MYO7A: variants seen among roughly 807,000 people sequenced by gnomAD.
The protein encoded by MYO7A is unconventional myosin-VIIa.
A neutral mutation model predicts 263.8 loss-of-function variants in MYO7A; 210 were observed. The observed-to-expected ratio is 0.80, with a 90% CI of 0.71 to 0.89. MYO7A has a LOEUF of 0.89. Ranked by LOEUF, MYO7A falls within the 40% of genes least tolerant of loss-of-function variation. The probability of loss-of-function intolerance (pLI) is 0.00; values close to 1 mark genes in which losing one functional copy is unlikely to be tolerated. For synonymous variants in MYO7A, 1,239 were observed against 1,197.3 expected, an observed-to-expected ratio of 1.03 and a Z score of -0.72; for missense variants, 2,820 against 2,968.3, an observed-to-expected ratio of 0.95 and a Z score of 1.16.
intron 4 of MYO7A, among the ~76,000 whole-genome samples, chr11:77,148,560 ATAAGGGCCCGTGGAGATCAT>A (rs1230686949): frequency 2.6e-5 from 4 of 152,214 alleles, no homozygotes; most frequent in Non-Finnish European, 4.4e-5. Context: ...GAGCAGAGCA[ATAAGGGCCCGTGGAGATCAT>A]TTACTCTAGA....
chr11:77,182,342 C>A, intron 24 of MYO7A, 82 bp from the exon 25 acceptor site: 1 of 1,484,632 alleles, frequency 6.7e-7, no homozygotes, highest in Non-Finnish European at 9.0e-7. Flanking sequence ...TGTCTCCAGC[C>A]CACTCCCCAA....
intron 38 of MYO7A, 89 bp downstream of exon 38, chr11:77,203,306 C>A: frequency 7.0e-7 from 1 of 1,426,224 alleles, no homozygotes; most frequent in South Asian, 1.3e-5. Context: ...GGGCCTGCTG[C>A]GACCCGGGCA....
chr11:77,157,856 C>T (rs1222244661), intron 8 of MYO7A, among the ~76,000 whole-genome samples: 1 of 152,228 alleles, frequency 6.6e-6, no homozygotes, highest in Non-Finnish European at 1.5e-5. Flanking sequence ...ACTGTTGAAA[C>T]CCTGCTCGTA....
intron 16 of MYO7A, 137 bp downstream of exon 16, chr11:77,173,022 C>G: frequency 7.9e-7 from 1 of 1,269,582 alleles, no homozygotes; most frequent in Non-Finnish European, 1.1e-6. Flanking sequence ...CGGGAGCTTA[C>G]AAAACAAGGC....
In MYO7A at chr11:77,180,466, C is replaced by G; in HGVS notation, c.2679C>G (p.Ala893=). Residue 893 remains alanine, a synonymous_variant, in exon 22 of 49, where the codon GCC becomes GCG. Transcript: ENST00000409709. ...EMSAKKAKEE[A]ERKHQERLAQ... ...GCGCCAAGAAGGCCAAGGAGGAGGC[C>G]GAGCGCAAGCATCAGGTGAGCTGAG... 1 of 1,612,234 alleles carries G rather than the reference C, an allele frequency of 6.2e-7. No individual in the cohort carries two copies. The highest frequency in any genetic ancestry group is 8.5e-7 in the Non-Finnish European group (1 of 1,179,722).
chr11:77,208,650 T>C, intron 43 of MYO7A, 47 bp from the exon 44 acceptor site: 3 of 1,516,302 alleles, frequency 2.0e-6, no homozygotes, highest in Non-Finnish European at 2.7e-6. Flanking sequence ...ACGTGAGCAC[T>C]CCTCTGTGCA....
intron 15 of MYO7A, among the ~76,000 whole-genome samples, chr11:77,171,971 G>A (rs537215029): frequency 2.6e-5 from 4 of 152,340 alleles, no homozygotes; most frequent in East Asian, 1.9e-4. Flanking sequence ...CCCTGGCTGC[G>A]TCGGAGCCAC....
chr11:77,202,432 C>T lies in MYO7A; in HGVS notation c.5168+8C>T, dbSNP rs779434952. On this transcript the variant is annotated splice_region_variant and intron_variant, in intron 37 of 48. Transcript: ENST00000409709. ...TTCCTATGACTACTTCAGGTGATGC[C>T]TCCTGGGGAAGGATGGGAGCCACAG... 1.9e-6 allele frequency: 3 copies of T among 1,549,668 alleles called. No homozygotes were observed.
chr11:77,200,418 T>C (rs1035217757), intron 35 of MYO7A, among the ~76,000 whole-genome samples: 4 of 152,166 alleles, frequency 2.6e-5, no homozygotes, highest in African/African-American at 4.8e-5. Flanking sequence ...GCCAGGCTCT[T>C]TTTAAACAAT....
At chr11:77,162,791 AG>A in intron 13 of MYO7A, 61 bp from the exon 14 acceptor site, 1 of 1,579,212 alleles carries the variant, frequency 6.3e-7, no homozygotes, top group Non-Finnish European at 8.6e-7. Context: ...AGACATGGGC[AG>A]GGAGGGGAGT....
chr11:77,148,132 G>T (rs1951718979), intron 4 of MYO7A, among the ~76,000 whole-genome samples, 182 bp downstream of exon 4: 1 of 152,176 alleles, frequency 6.6e-6, no homozygotes, highest in Non-Finnish European at 1.5e-5. Flanking sequence ...GCAGCCGCTC[G>T]GCGGGGTCTC....
In MYO7A at chr11:77,205,920, C is replaced by G. The variant is rs1253460217; in HGVS notation, c.5637-177C>G. 2.6e-5 allele frequency among the ~76,000 whole-genome samples: 4 copies of G among 152,126 alleles called. No individual in the cohort carries two copies. The South Asian group carries it at 6.2e-4, about 24-fold the overall frequency. Reference sequence around the variant, plus strand: ...TTCACTTTGCTGGGCCTCTCCACACCCATCGTCCCATTTTACAGATGAGGA... The same window carrying G: ...TTCACTTTGCTGGGCCTCTCCACACGCATCGTCCCATTTTACAGATGAGGA... On this transcript the variant is annotated intron_variant, in intron 40 of 48. Transcript: ENST00000409709.
At chr11:77,186,678 T>C (rs775969295) in intron 27 of MYO7A, among the ~76,000 whole-genome samples, 1 of 152,226 alleles carries the variant, frequency 6.6e-6, no homozygotes, top group African/African-American at 2.4e-5. Context: ...CTTAAGGGAA[T>C]GTTGTGGCTG....
intron 3 of MYO7A, among the ~76,000 whole-genome samples, chr11:77,143,766 A>G (rs1555052140): frequency 2.0e-5 from 3 of 152,168 alleles, no homozygotes; most frequent in African/African-American, 7.2e-5. Flanking sequence ...AGTCCCTCTT[A>G]GCCTCCTGGT....
rs1955505693 is a variant in MYO7A at position 77,184,411 on chromosome 11, T to C, written c.3376-177T>C. On this transcript the variant is annotated intron_variant, in intron 26 of 48. Coordinates refer to ENST00000409709, the MANE Select transcript of MYO7A (RefSeq NM_000260.4). Reference sequence around the variant, plus strand: ...GTGCCCCTGCTGTGTGGGCCAGTTATTGGCCCAGCATCTGCTGTGCACGTG... The same window carrying C: ...GTGCCCCTGCTGTGTGGGCCAGTTACTGGCCCAGCATCTGCTGTGCACGTG... Among the ~76,000 whole-genome samples the C allele has an allele frequency of 1.3e-5, 2 of 152,308 alleles. 1 individual carries two copies. The highest frequency in any genetic ancestry group is 4.1e-4 in the South Asian group (2 of 4,822).
chr11:77,212,918 C>G, intron 46 of MYO7A, 34 bp from the exon 47 acceptor site: 1 of 1,487,258 alleles, frequency 6.7e-7, no homozygotes, highest in Non-Finnish European at 9.2e-7. Flanking sequence ...TTGCTCTGGG[C>G]CCCCATCTGA....
intron 3 of MYO7A, among the ~76,000 whole-genome samples, chr11:77,145,506 G>GA (rs1951499201): frequency 6.6e-6 from 1 of 152,196 alleles, no homozygotes; most frequent in African/African-American, 2.4e-5. Context: ...GTCAAGTGGC[G>GA]ACAGCAGACA....
In MYO7A at chr11:77,179,127, C is replaced by T. The variant is rs781904298; in HGVS notation, c.2365C>T (p.Leu789=). 6.3e-7 allele frequency: 1 copy of T among 1,598,164 alleles called. No individual in the cohort carries two copies. Among genetic ancestry groups the T allele is most frequent in the Admixed American group, 1.7e-5 (1 of 58,254 alleles). ...TCACAACTGTAGGAAGAACTACGGG[C>T]TGGTGAGCCTCCCCATGGGCTGCTC... is the stretch of plus-strand genomic sequence containing the variant. ...RGHNCRKNYG[L]MRLGFLRLQA... The change falls in exon 20 of 49, where the codon CTG becomes TTG. Residue 789 remains leucine (L), a splice_region_variant and synonymous_variant. Transcript: ENST00000409709.
Position 77,203,159 on chromosome 11 carries a change from G to T in MYO7A, c.5268G>T (p.Leu1756=). 1 of 1,551,416 alleles carries T rather than the reference G, an allele frequency of 6.4e-7. No individual in the cohort carries two copies. The highest frequency in any genetic ancestry group is 2.4e-5 in the East Asian group (1 of 41,116). The part of the protein sequence containing the change: ...SHTREPLKQA[L]LKKLLGSEEL... ...CGCGGGAACCGCTCAAGCAGGCGCT[G>T]CTCAAGAAGCTCCTGGGCAGTGAGG... is the stretch of plus-strand genomic sequence containing the variant. Residue 1756 remains leucine (L), a synonymous_variant, in exon 38 of 49, where the codon CTG becomes CTT. Transcript: ENST00000409709.
Sources: gnomAD v4.1 joint callset for allele counts (sites outside exome capture counted in the v4.1 genomes callset) on GRCh38, gnomAD v4.1.1 for gene constraint, MANE v1.5 for transcripts, NCBI Gene and HGNC (gene_info 2026-07-23, HGNC 2026-07-21) for gene names.